Variants in FAM83A observed in about 807,000 individuals in gnomAD.
The protein encoded by FAM83A is protein FAM83A.
Under a neutral mutation model 24.4 loss-of-function variants are expected in FAM83A, and 21 were observed. The observed-to-expected ratio is 0.86, with a 90% CI of 0.61 to 1.24. The LOEUF is 1.24. FAM83A is among the 50% of genes most tolerant of loss of function. FAM83A has a pLI of 0.00. For synonymous variants in FAM83A, 270 were observed against 252.4 expected (o/e 1.07, Z -0.66); for missense variants, 617 against 579.8 (o/e 1.06, Z -0.66).
At chr8:123,183,279 C>T (rs758878127) in exon 1 of FAM83A, 16 of 1,613,120 alleles carry the variant, frequency 9.9e-6, no homozygotes, top group South Asian at 9.9e-5. Flanking sequence ...ACTTCCAGAC[C>T]GTCAAGCACA....
At chr8:123,186,153 A>G (rs1331071812) in intron 1 of FAM83A, among the ~76,000 whole-genome samples, 1 of 152,186 alleles carries the variant, frequency 6.6e-6, no homozygotes, top group Non-Finnish European at 1.5e-5. Context: ...GCTCTTTGAG[A>G]TCACCAATAA....
upstream of FAM83A, chr8:123,182,065 G>A (rs923023544): frequency 4.4e-6 from 2 of 456,134 alleles, no homozygotes; most frequent in Non-Finnish European, 8.8e-6. Context: ...TGGGCCGCCG[G>A]CAGCCTCGGC....
chr8:123,190,574 A>G (rs1460422152), intron 1 of FAM83A, among the ~76,000 whole-genome samples: 1 of 152,172 alleles, frequency 6.6e-6, no homozygotes, highest in Non-Finnish European at 1.5e-5. Flanking sequence ...AGTAATTAAC[A>G]TTTTTAATGA....
exon 4 of FAM83A, chr8:123,207,878 G>A: frequency 6.5e-6 from 9 of 1,378,620 alleles, no homozygotes; most frequent in Non-Finnish European, 7.4e-6. Context: ...TGGGTTCCCC[G>A]CTCTAGTTTG....
At chr8:123,187,978 A>G (rs1823859424) in intron 1 of FAM83A, among the ~76,000 whole-genome samples, 1 of 151,998 alleles carries the variant, frequency 6.6e-6, no homozygotes, top group South Asian at 2.1e-4. Context: ...CTTGTGCCTC[A>G]GCCTCCCAAG....
At position 123,209,203 on chromosome 8, in the gene FAM83A, G is replaced by A; in HGVS notation, c.*1515G>A. 8.6e-7 allele frequency: 1 copy of A among 1,168,132 alleles called. No individual in the cohort carries two copies. Among genetic ancestry groups the A allele is most frequent in the Non-Finnish European group, 1.1e-6 (1 of 950,730 alleles). 72.4% of individuals were successfully genotyped at this position (1,168,132 alleles called of 1,614,324 possible). On this transcript the variant is annotated 3_prime_UTR_variant, in exon 4 of 4. Transcript: ENST00000690554. The surrounding 1 kb of genome is among the most constrained non-coding windows in gnomAD (Gnocchi z 4.7). Reference sequence around the variant, plus strand: ...TGTCGGTTTTTGGCGGGGAAGCTCAGCCTTCGCTGTGGAGGGACGAGAGCA... The same window carrying A: ...TGTCGGTTTTTGGCGGGGAAGCTCAACCTTCGCTGTGGAGGGACGAGAGCA...
chr8:123,185,713 C>T (rs1823768820), intron 1 of FAM83A, among the ~76,000 whole-genome samples: 1 of 152,174 alleles, frequency 6.6e-6, no homozygotes, highest in Non-Finnish European at 1.5e-5. Flanking sequence ...CTGCCAGGCA[C>T]CCAATAATAA....
At chr8:123,195,300 C>T (rs1824111538) in intron 3 of FAM83A, among the ~76,000 whole-genome samples, 2 of 152,146 alleles carry the variant, frequency 1.3e-5, no homozygotes, top group African/African-American at 4.8e-5. Context: ...AGGATGCAGT[C>T]TTTCCCCAGG....
At chr8:123,188,240 C>A (rs1051899278) in intron 1 of FAM83A, among the ~76,000 whole-genome samples, 14 of 151,950 alleles carry the variant, frequency 9.2e-5, no homozygotes, top group African/African-American at 3.1e-4. Flanking sequence ...CTTCACACGA[C>A]GGCTTTCTCC....
upstream of FAM83A, chr8:123,182,347 C>A (rs564675827): frequency 2.7e-4 from 97 of 355,810 alleles, no homozygotes; most frequent in Non-Finnish European, 4.5e-4. Flanking sequence ...CTTTCCCCCC[C>A]ACAGGGAAAT....
chr8:123,208,836 G>A (rs979978797), exon 4 of FAM83A: 100 of 936,778 alleles, frequency 1.1e-4, no homozygotes, highest in African/African-American at 1.0e-3. Context: ...GTGAAACCCC[G>A]TCTCTACTAA....
chr8:123,203,431 T>TA (rs1824426722), intron 3 of FAM83A, among the ~76,000 whole-genome samples: 1 of 150,856 alleles, frequency 6.6e-6, no homozygotes, highest in Non-Finnish European at 1.5e-5. Flanking sequence ...CTACTAAAAA[T>TA]ACAAAAATTA....
chr8:123,201,201 C>A (rs1318496867), intron 3 of FAM83A: 5 of 152,030 alleles, frequency 3.3e-5, no homozygotes, highest in African/African-American at 1.2e-4. Flanking sequence ...ATCTTTATGA[C>A]AACACTTTGA....
At chr8:123,191,893 G>A in exon 2 of FAM83A, 1 of 1,614,188 alleles carries the variant, frequency 6.2e-7, no homozygotes, top group Non-Finnish European at 8.5e-7. Flanking sequence ...GTTCGTTTGT[G>A]TGCTCCTGGA....
chr8:123,182,005 G>A (rs768888882), upstream of FAM83A: 10 of 455,948 alleles, frequency 2.2e-5, no homozygotes, highest in Middle Eastern at 3.2e-4. Context: ...TCAAACCCAC[G>A]TGCTGCTCCT....
At position 123,209,536 on chromosome 8, in the gene FAM83A, G is replaced by C; in HGVS notation, c.*1848G>C. 1.2e-6 allele frequency: 2 copies of C among 1,614,166 alleles called. No individual in the cohort carries two copies. Among genetic ancestry groups the C allele is most frequent in the Non-Finnish European group, 1.7e-6 (2 of 1,180,026 alleles). Reference sequence around the variant, plus strand: ...TTGTTGTTTCACAGCTGACGGCTGAGATGAGGTTAGAATGACTGGGCCCGG... The same window carrying C: ...TTGTTGTTTCACAGCTGACGGCTGACATGAGGTTAGAATGACTGGGCCCGG... On this transcript the variant is annotated 3_prime_UTR_variant, in exon 4 of 4. Coordinates refer to ENST00000690554, the Ensembl canonical transcript of FAM83A. The surrounding 1 kb of genome is among the most constrained non-coding windows in gnomAD (Gnocchi z 4.7).
chr8:123,182,226 G>A (rs1033000513), upstream of FAM83A: 2 of 416,906 alleles, frequency 4.8e-6, no homozygotes, highest in Middle Eastern at 1.1e-3. Flanking sequence ...AGGGAGGGGT[G>A]GGCACTTGGG....
At chr8:123,204,718 G>A (rs1421937865) in intron 3 of FAM83A, among the ~76,000 whole-genome samples, 2 of 151,810 alleles carry the variant, frequency 1.3e-5, no homozygotes, top group Non-Finnish European at 2.9e-5. Context: ...CCGAGATCGC[G>A]CCACTGCACT....
At chr8:123,188,057 T>C (rs1823862134) in intron 1 of FAM83A, among the ~76,000 whole-genome samples, 1 of 150,890 alleles carries the variant, frequency 6.6e-6, no homozygotes. Flanking sequence ...TTTTTTTTAG[T>C]AGAGATGGGG....
Sources: allele counts gnomAD v4.1 joint callset (sites outside exome capture counted in the v4.1 genomes callset), GRCh38; gene constraint gnomAD v4.1.1; non-coding constraint Gnocchi (gnomAD v3.1); transcripts MANE v1.5; gene names NCBI Gene and HGNC (gene_info 2026-07-23, HGNC 2026-07-21).